ENTREP1: variants seen among roughly 807,000 people sequenced by gnomAD.
ENTREP1 encodes the protein Friedreich ataxia region gene X123.
the ENTREP1 span, among the ~76,000 whole-genome samples, chr9:69,346,903 G>T: frequency 1.3e-5 from 2 of 152,210 alleles, no homozygotes; most frequent in African/African-American, 4.8e-5. Context: ...AATTGCTGTG[G>T]CATTTTGAGT....
chr9:69,380,116 C>T, the ENTREP1 span: 1 of 152,246 alleles, frequency 6.6e-6, no homozygotes, highest in Non-Finnish European at 1.5e-5. Context: ...AGAAAGAAGA[C>T]ATTGCCCAGT....
At chr9:69,337,298 G>A in the ENTREP1 span, among the ~76,000 whole-genome samples, 3 of 152,056 alleles carry the variant, frequency 2.0e-5, no homozygotes, top group Admixed American at 2.0e-4. Flanking sequence ...ATGAGCCACC[G>A]CGCCTGGACT....
the ENTREP1 span, among the ~76,000 whole-genome samples, chr9:69,351,963 G>A: frequency 6.6e-6 from 1 of 151,898 alleles, no homozygotes; most frequent in African/African-American, 2.4e-5. Flanking sequence ...CTTTTGCTTA[G>A]CAGCTGTTCT....
chr9:69,385,746 T>C, the ENTREP1 span: 1 of 1,461,280 alleles, frequency 6.8e-7, no homozygotes, highest in Non-Finnish European at 9.0e-7. Flanking sequence ...GCTGGTGAGA[T>C]AATTTATGTT....
the ENTREP1 span, among the ~76,000 whole-genome samples, chr9:69,367,786 C>CACATATATATAAATGTATATAT: frequency 3.1e-5 from 3 of 95,304 alleles, no homozygotes; most frequent in African/African-American, 1.1e-4. Flanking sequence ...AATATATATA[C>CACATATATATAAATGTATATAT]ACACATATAT....
the ENTREP1 span, among the ~76,000 whole-genome samples, chr9:69,390,432 A>T: frequency 6.6e-6 from 1 of 152,218 alleles, no homozygotes; most frequent in African/African-American, 2.4e-5. Flanking sequence ...CTTCAATCCC[A>T]GTTGGATGAG....
At chr9:69,390,770 G>A in the ENTREP1 span, among the ~76,000 whole-genome samples, 1 of 152,076 alleles carries the variant, frequency 6.6e-6, no homozygotes, top group Admixed American at 6.6e-5. Flanking sequence ...CTCTCAGGTA[G>A]CTGGGACTAC....
the ENTREP1 span, among the ~76,000 whole-genome samples, chr9:69,336,488 T>C: frequency 6.6e-6 from 1 of 152,184 alleles, no homozygotes; most frequent in Non-Finnish European, 1.5e-5. Flanking sequence ...CCCAGTGCTA[T>C]ACAAGTGTCT....
chr9:69,324,925 A>G, the ENTREP1 span: 1 of 983,970 alleles, frequency 1.0e-6, no homozygotes, highest in Non-Finnish European at 1.2e-6. Context: ...GGTGCCTCCC[A>G]CCTCGAGGGA....
At chr9:69,328,370 C>T in the ENTREP1 span, among the ~76,000 whole-genome samples, 31 of 151,950 alleles carry the variant, frequency 2.0e-4, no homozygotes, top group Admixed American at 5.9e-4. Flanking sequence ...GTGGGCAGTC[C>T]GAAGAACCAT....
chr9:69,376,902 C>T, the ENTREP1 span, among the ~76,000 whole-genome samples: 1 of 152,140 alleles, frequency 6.6e-6, no homozygotes, highest in South Asian at 2.1e-4. Flanking sequence ...TCGTCGTGTG[C>T]ATGGGGCAGC....
chr9:69,382,186 T>C, the ENTREP1 span: 2 of 152,214 alleles, frequency 1.3e-5, no homozygotes, highest in Non-Finnish European at 2.9e-5. Context: ...ATAGGTCTCA[T>C]TGATGAAAGC....
At chr9:69,383,711 T>C in the ENTREP1 span, 1 of 1,613,846 alleles carries the variant, frequency 6.2e-7, no homozygotes, top group Non-Finnish European at 8.5e-7. Flanking sequence ...GTCCTCTGGA[T>C]CCCCCGCCGC....
At chr9:69,336,276 A>G in the ENTREP1 span, 1 of 1,566,072 alleles carries the variant, frequency 6.4e-7, no homozygotes, top group Non-Finnish European at 8.8e-7. Context: ...CCTGGTATGT[A>G]CTGATCTTAT....
chr9:69,383,784 A>G, the ENTREP1 span: 8 of 1,613,838 alleles, frequency 5.0e-6, no homozygotes, highest in Non-Finnish European at 6.8e-6. Flanking sequence ...GAATCTCTCT[A>G]AGTACATTGA....
At chr9:69,367,702 T>TAAATATATATATACACATATATAA in the ENTREP1 span, among the ~76,000 whole-genome samples, 67 of 113,762 alleles carry the variant, frequency 5.9e-4, 1 homozygote, top group African/African-American at 2.0e-3. Context: ...CACATATATA[T>TAAATATATATATACACATATATAA]AAATATATAT....
chr9:69,370,212 A>T, the ENTREP1 span, among the ~76,000 whole-genome samples: 1 of 152,044 alleles, frequency 6.6e-6, no homozygotes, highest in Admixed American at 6.6e-5. Flanking sequence ...CCAAGGGAAA[A>T]CTCGAGACTT....
the ENTREP1 span, among the ~76,000 whole-genome samples, chr9:69,357,614 A>T: frequency 3.9e-5 from 6 of 152,132 alleles, no homozygotes; most frequent in Non-Finnish European, 8.8e-5. Flanking sequence ...TGAAACTGGG[A>T]GTAGGTTCTG....
At chr9:69,329,963 A>C in the ENTREP1 span, among the ~76,000 whole-genome samples, 1 of 115,034 alleles carries the variant, frequency 8.7e-6, no homozygotes, top group South Asian at 3.6e-4. Flanking sequence ...GGGGTATGGG[A>C]GTTAATGTTA....
Sources: allele counts gnomAD v4.1 joint callset (sites outside exome capture counted in the v4.1 genomes callset), GRCh38; gene constraint gnomAD v4.1.1; transcripts MANE v1.5; gene names NCBI Gene and HGNC (gene_info 2026-07-23, HGNC 2026-07-21).